Variants in SPTA1 observed in about 807,000 individuals in gnomAD.
SPTA1 encodes spectrin alpha chain, erythrocytic 1.
SPTA1 carries 177 observed loss-of-function variants against 324.7 expected under a neutral mutation model. The ratio of observed to expected loss-of-function variants is 0.55; its 90% confidence interval spans 0.48 to 0.62. SPTA1 has a LOEUF of 0.62. Among genes scored for constraint, SPTA1 ranks in the 20% least tolerant of loss-of-function variants. SPTA1 has a pLI of 0.00. For synonymous variants in SPTA1, 1,195 were observed against 1,041.3 expected, an observed-to-expected ratio of 1.15 and a Z score of -2.84; for missense variants, 3,162 against 2,883.6, an observed-to-expected ratio of 1.10 and a Z score of -2.21.
chr1:158,657,388 T>C, intron 19 of SPTA1, 89 bp downstream of exon 19: 3 of 1,330,464 alleles, frequency 2.3e-6, no homozygotes, highest in Non-Finnish European at 3.2e-6. Flanking sequence ...GCAGAATCTG[T>C]AGCTGTCCCA....
At chr1:158,620,671 C>T (rs1649850069) in intron 43 of SPTA1, 1 of 567,900 alleles carries the variant, frequency 1.8e-6, no homozygotes, top group Non-Finnish European at 3.0e-6. Flanking sequence ...GGCATTTTCT[C>T]ATTGTGTGAA....
intron 18 of SPTA1, among the ~76,000 whole-genome samples, chr1:158,660,671 A>G (rs16840456): frequency 0.067 from 10,187 of 152,246 alleles, 1,128 homozygotes; most frequent in African/African-American, 0.23. Flanking sequence ...TTTAACCTAT[A>G]CTTTTGAAAA....
intron 34 of SPTA1, 84 bp downstream of exon 34, chr1:158,639,786 A>T: frequency 6.2e-7 from 1 of 1,612,714 alleles, no homozygotes; most frequent in South Asian, 1.1e-5. Flanking sequence ...AGGAAAATTC[A>T]AGGAAATTGC....
rs369162735 is a variant in SPTA1, at chr1:158,620,452, G to A, written c.6135C>T (p.Phe2045=). ...CTGAAGCCTTATGTGCAAATTCCAC[G>A]AACAGGTCCTCAGCCTGCAGAGAGA... ...QLPLQKAEDL[F]VEFAHKASAL... Residue 2045 remains phenylalanine, a synonymous_variant, in exon 44 of 52, where the codon TTC becomes TTT. Transcript: ENST00000643759. 4.7e-5 allele frequency: 75 copies of A among 1,612,682 alleles called. No homozygotes were observed. The highest frequency in any genetic ancestry group is 8.0e-5 in the African/African-American group (6 of 74,824).
chr1:158,629,538 G>A (rs1199136365), intron 39 of SPTA1, among the ~76,000 whole-genome samples: 7 of 151,932 alleles, frequency 4.6e-5, no homozygotes, highest in Non-Finnish European at 8.8e-5. Flanking sequence ...TTGCTTCAAC[G>A]TGATAAAGTA....
At chr1:158,669,610 A>G (rs550649465) in intron 13 of SPTA1, 47 bp from the exon 14 acceptor site, 8 of 1,613,962 alleles carry the variant, frequency 5.0e-6, no homozygotes, top group African/African-American at 1.3e-5. Flanking sequence ...CCAAATATGG[A>G]CATGTGAGAT....
chr1:158,683,622 T>C, intron 2 of SPTA1, 126 bp from the exon 3 acceptor site: 1 of 1,258,686 alleles, frequency 7.9e-7, no homozygotes, highest in Non-Finnish European at 1.1e-6. Flanking sequence ...TAAAGAGTAT[T>C]TTCCTGTCCC....
At chr1:158,669,040 A>C (rs1290371955) in intron 14 of SPTA1, among the ~76,000 whole-genome samples, 1 of 152,100 alleles carries the variant, frequency 6.6e-6, no homozygotes, top group African/African-American at 2.4e-5. Context: ...AAATGTATTG[A>C]TGGGATTAGA....
At chr1:158,686,443 T>C in intron 1 of SPTA1, 51 bp downstream of exon 1, 1 of 1,267,852 alleles carries the variant, frequency 7.9e-7, no homozygotes, top group East Asian at 2.3e-5. Context: ...AGGAAACATC[T>C]TTCCTAATAA....
chr1:158,633,836 T>C (rs1650864479), intron 39 of SPTA1, among the ~76,000 whole-genome samples: 1 of 152,152 alleles, frequency 6.6e-6, no homozygotes, highest in African/African-American at 2.4e-5. Flanking sequence ...TTATATGTTG[T>C]ATAGGTTTAA....
intron 47 of SPTA1, among the ~76,000 whole-genome samples, chr1:158,617,166 G>GCACTTTTA (rs528474216): frequency 8.5e-4 from 129 of 152,218 alleles, no homozygotes; most frequent in African/African-American, 3.0e-3. Flanking sequence ...CCAGTGTTGG[G>GCACTTTTA]CACTTTTACA....
intron 40 of SPTA1, 119 bp downstream of exon 40, chr1:158,627,506 G>T (rs41523545): frequency 2.1e-6 from 2 of 975,402 alleles, no homozygotes; most frequent in Non-Finnish European, 1.6e-6. Flanking sequence ...AGAAGAGATT[G>T]TTAAAGTTCT....
rs1258296077 is a variant in SPTA1, at chr1:158,610,767, A to G, written c.*497T>C. On this transcript the variant is annotated 3_prime_UTR_variant, in exon 52 of 52. Transcript: ENST00000643759. ...ATTTAAACACATTCCAAAGTTTAAAAAAATTGTTTGAAAATTGCCTTGGAT... is the reference window on the plus strand; with the variant it reads ...ATTTAAACACATTCCAAAGTTTAAAGAAATTGTTTGAAAATTGCCTTGGAT... The G allele has an allele frequency of 6.5e-6, 1 of 152,724 alleles. No individual in the cohort carries two copies. Among genetic ancestry groups the G allele is most frequent in the African/African-American group, 2.4e-5 (1 of 41,456 alleles). The allele number at this position is 152,724 out of a possible 1,614,324, so 9.5% of individuals were successfully genotyped here. A position where few individuals can be genotyped will look rare whatever the true frequency, so the allele number is the denominator to read the frequency against.
rs140341061 is a variant in SPTA1 at position 158,626,755 on chromosome 1, A to G, written c.5833+84T>C. The stretch of plus-strand genomic sequence containing the variant: ...TGGAAACACCTCCTTTCATACAGTA[A>G]AAGTCCCAGAGACCATTCTACACAT... On this transcript the variant is annotated intron_variant, in intron 41 of 51. Coordinates refer to ENST00000643759, the MANE Select transcript of SPTA1 (RefSeq NM_003126.4). The G allele has an allele frequency of 5.2e-4, 818 of 1,576,414 alleles. 3 individuals are homozygous for G. Among genetic ancestry groups the G allele is most frequent in the Middle Eastern group, 2.4e-3 (14 of 5,948 alleles).
intron 33 of SPTA1, among the ~76,000 whole-genome samples, chr1:158,641,658 C>T (rs1651585472): frequency 6.6e-6 from 1 of 152,106 alleles, no homozygotes; most frequent in African/African-American, 2.4e-5. Context: ...AGTCAGGAAA[C>T]AACAGGTGCT....
At chr1:158,649,162 A>G (rs964690267) in intron 25 of SPTA1, among the ~76,000 whole-genome samples, 3 of 152,228 alleles carry the variant, frequency 2.0e-5, no homozygotes, top group East Asian at 1.9e-4. Context: ...TTGAAAATCA[A>G]ACAAGAAAAA....
chr1:158,650,072 G>A (rs1037428082), intron 24 of SPTA1, 125 bp from the exon 25 acceptor site: 1 of 758,130 alleles, frequency 1.3e-6, no homozygotes, highest in Non-Finnish European at 2.3e-6. Flanking sequence ...AAATTGCATA[G>A]CTTTGCTTCT....
chr1:158,635,766 A>G, intron 38 of SPTA1, 147 bp downstream of exon 38: 1 of 1,201,144 alleles, frequency 8.3e-7, no homozygotes, highest in South Asian at 1.3e-5. Flanking sequence ...GCTTTGTGGT[A>G]AACTTGTCAT....
intron 39 of SPTA1, among the ~76,000 whole-genome samples, chr1:158,630,747 G>A (rs1571400302): frequency 6.6e-6 from 1 of 151,772 alleles, no homozygotes; most frequent in Non-Finnish European, 1.5e-5. Flanking sequence ...TCCCTAATAA[G>A]GGGTTAATCT....
Sources: allele counts gnomAD v4.1 joint callset (sites outside exome capture counted in the v4.1 genomes callset), GRCh38; gene constraint gnomAD v4.1.1; transcripts MANE v1.5; gene names NCBI Gene and HGNC (gene_info 2026-07-23, HGNC 2026-07-21).